Variants in MFSD1 observed in about 807,000 individuals in gnomAD.
MFSD1 encodes lysosomal dipeptide transporter MFSD1.
A neutral mutation model predicts 67.1 loss-of-function variants in MFSD1; 59 were observed. The ratio of observed to expected loss-of-function variants is 0.88; its 90% CI spans 0.71 to 1.09. The LOEUF (loss-of-function observed/expected upper bound fraction) is 1.09. Ranked by LOEUF, MFSD1 falls within the 50% of genes least tolerant of loss-of-function variation. The pLI is 0.00. For missense variants in MFSD1, 552 were observed against 566.1 expected (o/e 0.97, Z 0.25); for synonymous variants, 213 against 200.3 (o/e 1.06, Z -0.54).
rs1178132562 is a variant in MFSD1 at position 158,829,176 on chromosome 3, T to TA, written c.*197dup. The TA allele has an allele frequency of 1.7e-5, 7 of 408,990 alleles. No individual in the cohort carries two copies. The highest frequency in any genetic ancestry group is 3.0e-5 in the Non-Finnish European group (7 of 235,010). The allele number at this position is 408,990 out of a possible 1,614,324, so 25.3% of individuals were successfully genotyped here. On this transcript the variant is annotated 3_prime_UTR_variant, in exon 16 of 16. Transcript: ENST00000415822. Reference sequence around the variant, plus strand: ...CTGTGTCTTTTGTATTGTGTGTTGCTAAAGAATTCTACTTTTAGTAGGCTA... The same window carrying TA: ...CTGTGTCTTTTGTATTGTGTGTTGCTAAAAGAATTCTACTTTTAGTAGGCTA...
intron 6 of MFSD1, among the ~76,000 whole-genome samples, chr3:158,811,963 T>A (rs986602482): frequency 4.6e-5 from 7 of 152,228 alleles, no homozygotes; most frequent in African/African-American, 1.7e-4. Context: ...AAATCTCTTT[T>A]AACTATTTAA....
At chr3:158,810,190 A>G (rs1052001459) in intron 6 of MFSD1, among the ~76,000 whole-genome samples, 1 of 152,160 alleles carries the variant, frequency 6.6e-6, no homozygotes, top group Non-Finnish European at 1.5e-5. Flanking sequence ...TGTGCAGCTA[A>G]TTTTGTGTAT....
At chr3:158,803,364 C>A (rs1324539949) in intron 1 of MFSD1, among the ~76,000 whole-genome samples, 3 of 152,030 alleles carry the variant, frequency 2.0e-5, no homozygotes, top group Non-Finnish European at 4.4e-5. Flanking sequence ...TTTCCCCCCT[C>A]CCCTGTTTTT....
In MFSD1 at chr3:158,803,242, G is replaced by A. The variant is rs551787604; in HGVS notation, c.163+927G>A. ...AATGTGTTTTTCAGGAGGCTAGCTG[G>A]AGCCCGTGTAATCAGCAGGTTTAAG... On this transcript the variant is annotated intron_variant, in intron 1 of 15. Transcript: ENST00000415822. Among the ~76,000 whole-genome samples, 5 of 152,230 alleles carry A rather than the reference G, an allele frequency of 3.3e-5. No individual in the cohort carries two copies. In the South Asian group the frequency reaches 1.0e-3, roughly 32 times the overall value.
intron 7 of MFSD1, among the ~76,000 whole-genome samples, chr3:158,814,911 G>A (rs1389061273): frequency 2.0e-5 from 3 of 151,872 alleles, no homozygotes; most frequent in East Asian, 3.9e-4. Flanking sequence ...GGAGAAACCC[G>A]TCTCTACTAA....
At chr3:158,818,747 G>A (rs1243273187) in intron 7 of MFSD1, among the ~76,000 whole-genome samples, 2 of 152,100 alleles carry the variant, frequency 1.3e-5, no homozygotes, top group Non-Finnish European at 2.9e-5. Context: ...CAAATCCTTT[G>A]CCTTACTTAA....
chr3:158,817,563 A>G (rs1222279085), intron 7 of MFSD1, among the ~76,000 whole-genome samples: 4 of 152,236 alleles, frequency 2.6e-5, no homozygotes, highest in African/African-American at 9.6e-5. Flanking sequence ...AACCTCTTCA[A>G]GGAGAACTAC....
chr3:158,822,322 A>G (rs953739466), intron 11 of MFSD1, 182 bp downstream of exon 11: 3 of 400,316 alleles, frequency 7.5e-6, no homozygotes, highest in Non-Finnish European at 1.3e-5. Context: ...TTATTAACAT[A>G]TAAGGTATCT....
chr3:158,827,390 A>C, intron 15 of MFSD1, 53 bp downstream of exon 15: 1 of 988,528 alleles, frequency 1.0e-6, no homozygotes, highest in South Asian at 1.7e-5. Flanking sequence ...CTTAAATATG[A>C]GCATTTCGTT....
intron 8 of MFSD1, 114 bp downstream of exon 8, chr3:158,819,861 A>G: frequency 1.9e-6 from 1 of 533,592 alleles, no homozygotes; most frequent in Non-Finnish European, 3.3e-6. Context: ...TTAAGACATG[A>G]TTTTTATTTT....
At chr3:158,824,957 AG>A (rs1730886290) in intron 13 of MFSD1, among the ~76,000 whole-genome samples, 1 of 152,208 alleles carries the variant, frequency 6.6e-6, no homozygotes, top group African/African-American at 2.4e-5. Context: ...TGCTTGTTTT[AG>A]AAACAAGGAC....
chr3:158,810,374 G>C (rs771094276), intron 6 of MFSD1, among the ~76,000 whole-genome samples: 1 of 152,094 alleles, frequency 6.6e-6, no homozygotes, highest in Non-Finnish European at 1.5e-5. Context: ...TATATGTGCT[G>C]CCAAGGCGAG....
chr3:158,820,036 T>C (rs1730593065), intron 8 of MFSD1, among the ~76,000 whole-genome samples, 179 bp from the exon 9 acceptor site: 1 of 152,224 alleles, frequency 6.6e-6, no homozygotes, highest in South Asian at 2.1e-4. Flanking sequence ...GTTTTGCTTT[T>C]TCTTATGTCT....
chr3:158,821,429 A>G (rs1559922773), intron 9 of MFSD1, among the ~76,000 whole-genome samples, 168 bp from the exon 10 acceptor site: 1 of 152,260 alleles, frequency 6.6e-6, no homozygotes, highest in Non-Finnish European at 1.5e-5. Context: ...AAACATTAAT[A>G]TAAATACTGA....
intron 3 of MFSD1, among the ~76,000 whole-genome samples, chr3:158,806,779 T>C (rs1729746820): frequency 6.6e-6 from 1 of 152,178 alleles, no homozygotes. Context: ...TTTAAACTAA[T>C]ATATGCCATT....
chr3:158,829,343 T>C lies in MFSD1; in HGVS notation c.*361T>C, dbSNP rs1387841810. 3.7e-5 allele frequency: 6 copies of C among 164,268 alleles called. No homozygotes were observed. The highest frequency in any genetic ancestry group is 1.4e-4 in the African/African-American group (6 of 42,024). The allele number at this position is 164,268 out of a possible 1,614,324, so 10.2% of individuals were successfully genotyped here. A position where few individuals can be genotyped will look rare whatever the true frequency, so the allele number is the denominator to read the frequency against. On this transcript the variant is annotated 3_prime_UTR_variant, in exon 16 of 16. Coordinates refer to ENST00000415822, the MANE Select transcript of MFSD1 (RefSeq NM_022736.4). ...TCTTAGGGATACAGCCTTTTCTTTA[T>C]CTTATAGCAGGAAAAAAAAACTTTT... is the stretch of plus-strand genomic sequence containing the variant.
rs111517591 is a variant in MFSD1 at position 158,827,196 on chromosome 3, A to G, written c.1337-84A>G. 6.7e-4 allele frequency: 520 copies of G among 777,284 alleles called. 1 individual carries two copies. In the African/African-American group the frequency reaches 8.9e-3, roughly 13 times the overall value. 48.1% of individuals were successfully genotyped at this position (777,284 alleles called of 1,614,324 possible). On this transcript the variant is annotated intron_variant, in intron 14 of 15. Transcript: ENST00000415822. ...CTTAAAATACAGTGTATCTATGCAA[A>G]TGGTTGCATGTATGTATGTATGGTT... is the stretch of plus-strand genomic sequence containing the variant.
intron 1 of MFSD1, among the ~76,000 whole-genome samples, chr3:158,803,868 C>G (rs955446556): frequency 6.6e-6 from 1 of 152,030 alleles, no homozygotes; most frequent in South Asian, 2.1e-4. Flanking sequence ...AATTAGAGAA[C>G]TTGTTTCAAA....
At chr3:158,814,695 C>T (rs1730226477) in intron 7 of MFSD1, among the ~76,000 whole-genome samples, 1 of 152,136 alleles carries the variant, frequency 6.6e-6, no homozygotes, top group East Asian at 1.9e-4. Flanking sequence ...TTTTTGAGAA[C>T]AACCTGAGAA....
Sources: gnomAD v4.1 joint callset for allele counts (sites outside exome capture counted in the v4.1 genomes callset) on GRCh38, gnomAD v4.1.1 for gene constraint, MANE v1.5 for transcripts, NCBI Gene and HGNC (gene_info 2026-07-23, HGNC 2026-07-21) for gene names.